The following PPARGC1A variants were observed in gnomAD, a reference collection of about 807,000 sequenced individuals.
PPARGC1A encodes PPARG coactivator 1 alpha, also known as peroxisome proliferator-activated receptor gamma coactivator 1-alpha.
PPARGC1A carries 25 observed loss-of-function variants against 88.7 expected under a neutral mutation model. That is an observed-to-expected ratio of 0.28 (90% CI 0.21 to 0.39). The LOEUF is 0.39. Ranked by LOEUF, PPARGC1A falls within the 10% of genes least tolerant of loss-of-function variation. The pLI is 1.00. For missense variants in PPARGC1A, 880 were observed against 968.7 expected, an observed-to-expected ratio of 0.91 and a Z score of 1.22; for synonymous variants, 363 against 355.6, an observed-to-expected ratio of 1.02 and a Z score of -0.24.
chr4:24,171,640 C>A, the PPARGC1A span, among the ~76,000 whole-genome samples: 12 of 152,268 alleles, frequency 7.9e-5, no homozygotes, highest in Admixed American at 2.0e-4. Flanking sequence ...TATAAATTCA[C>A]AGATGAATGA....
chr4:24,302,232 A>G, the PPARGC1A span, among the ~76,000 whole-genome samples: 1 of 152,244 alleles, frequency 6.6e-6, no homozygotes, highest in Admixed American at 6.5e-5. Context: ...GTTTGATTTC[A>G]TGGCTGCATA....
chr4:24,187,367 C>T, the PPARGC1A span, among the ~76,000 whole-genome samples: 50 of 152,278 alleles, frequency 3.3e-4, no homozygotes, highest in African/African-American at 1.2e-3. Flanking sequence ...TGGTAATTTG[C>T]TCACAGTCAC....
chr4:24,146,119 C>T, the PPARGC1A span, among the ~76,000 whole-genome samples: 1 of 152,158 alleles, frequency 6.6e-6, no homozygotes, highest in Non-Finnish European at 1.5e-5. Flanking sequence ...TCTTCTGAAC[C>T]TCCAAGATGA....
chr4:23,849,624 T>C (rs958110578), intron 2 of PPARGC1A, among the ~76,000 whole-genome samples: 1 of 152,142 alleles, frequency 6.6e-6, no homozygotes, highest in Admixed American at 6.6e-5. Context: ...TTATCTTACA[T>C]AAAAATAAGA....
At chr4:24,454,609 A>G in the PPARGC1A span, among the ~76,000 whole-genome samples, 77,171 of 151,662 alleles carry the variant, frequency 0.51, 20,201 homozygotes, top group African/African-American at 0.63. Context: ...GTGGTGGTGC[A>G]TGCCTATAGC....
At chr4:24,053,227 A>C in the PPARGC1A span, among the ~76,000 whole-genome samples, 1 of 152,002 alleles carries the variant, frequency 6.6e-6, no homozygotes, top group Non-Finnish European at 1.5e-5. Flanking sequence ...TCTGATAATA[A>C]GAAGGTCCAA....
the PPARGC1A span, among the ~76,000 whole-genome samples, chr4:24,229,799 G>A: frequency 1.3e-5 from 2 of 151,302 alleles, no homozygotes; most frequent in African/African-American, 4.9e-5. Flanking sequence ...GAGCCAAGAT[G>A]GCGTCATTGC....
At chr4:23,826,390 G>T (rs1305829116) in intron 5 of PPARGC1A, among the ~76,000 whole-genome samples, 2 of 152,106 alleles carry the variant, frequency 1.3e-5, no homozygotes, top group Non-Finnish European at 2.9e-5. Flanking sequence ...CATGTAGATT[G>T]TGGTATTTGG....
At chr4:23,891,425 T>G (rs1717831656), upstream of PPARGC1A, among the ~76,000 whole-genome samples, 1 of 152,236 alleles carries the variant, frequency 6.6e-6, no homozygotes, top group Non-Finnish European at 1.5e-5. Flanking sequence ...TGAGGTTAAT[T>G]TACACTGTTC....
chr4:24,058,044 C>T, the PPARGC1A span, among the ~76,000 whole-genome samples: 4 of 152,152 alleles, frequency 2.6e-5, no homozygotes, highest in Non-Finnish European at 5.9e-5. Context: ...GCTCTGAGCA[C>T]AGGATTCATT....
chr4:23,983,342 T>A, the PPARGC1A span, among the ~76,000 whole-genome samples: 1 of 152,166 alleles, frequency 6.6e-6, no homozygotes, highest in South Asian at 2.1e-4. Context: ...ATGAAGGACA[T>A]CGTGAGACAA....
At chr4:24,222,382 G>A in the PPARGC1A span, among the ~76,000 whole-genome samples, 1 of 152,170 alleles carries the variant, frequency 6.6e-6, no homozygotes, top group South Asian at 2.1e-4. Context: ...ACTTCTCTGT[G>A]CCTCAATTTC....
chr4:24,218,125 A>G, the PPARGC1A span, among the ~76,000 whole-genome samples: 1 of 152,218 alleles, frequency 6.6e-6, no homozygotes, highest in African/African-American at 2.4e-5. Context: ...CTGTGTGTGG[A>G]TAGGAAAATG....
the PPARGC1A span, among the ~76,000 whole-genome samples, chr4:23,964,252 T>C: frequency 1.3e-5 from 2 of 152,208 alleles, no homozygotes; most frequent in African/African-American, 4.8e-5. Flanking sequence ...AGAGAATTAG[T>C]AACATAAGTT....
chr4:24,441,037 C>G, the PPARGC1A span, among the ~76,000 whole-genome samples: 1 of 152,154 alleles, frequency 6.6e-6, no homozygotes, highest in Non-Finnish European at 1.5e-5. Context: ...CCACCATTCC[C>G]AAGCAATCTA....
the PPARGC1A span, among the ~76,000 whole-genome samples, chr4:24,190,012 T>C: frequency 6.6e-6 from 1 of 152,164 alleles, no homozygotes. Flanking sequence ...CTTGCTAACG[T>C]AGTGCCTACT....
chr4:24,465,099 C>T, the PPARGC1A span, among the ~76,000 whole-genome samples: 8 of 152,158 alleles, frequency 5.3e-5, no homozygotes, highest in Non-Finnish European at 1.5e-5. Flanking sequence ...CGCCTGGACT[C>T]AAGGAATCCT....
At chr4:23,907,034 A>T (rs747432713), upstream of PPARGC1A, among the ~76,000 whole-genome samples, 4 of 152,146 alleles carry the variant, frequency 2.6e-5, no homozygotes, top group Non-Finnish European at 5.9e-5. Flanking sequence ...GCGAGCTATC[A>T]CTCAATAGGG....
the PPARGC1A span, among the ~76,000 whole-genome samples, chr4:23,954,056 A>G: frequency 6.6e-6 from 1 of 151,980 alleles, no homozygotes; most frequent in Non-Finnish European, 1.5e-5. Flanking sequence ...TTAACTCTGC[A>G]TAGCAATTTC....
Sources: gnomAD v4.1 joint callset for allele counts (sites outside exome capture counted in the v4.1 genomes callset) on GRCh38, gnomAD v4.1.1 for gene constraint, MANE v1.5 for transcripts, NCBI Gene and HGNC (gene_info 2026-07-23, HGNC 2026-07-21) for gene names.